The following SMCHD1 variants were observed in gnomAD, a reference collection of about 807,000 sequenced individuals.
The protein encoded by SMCHD1 is structural maintenance of chromosomes flexible hinge domain containing 1.
In SMCHD1, 78 loss-of-function variants were observed where a neutral mutation model predicts 254.7. The observed-to-expected ratio is 0.31, with a 90% CI of 0.26 to 0.37. SMCHD1 has a LOEUF of 0.37. SMCHD1 is among the 10% of genes least tolerant of loss of function. The pLI is 1.00. For missense variants in SMCHD1, 1,840 were observed against 2,408.1 expected (o/e 0.76, Z 4.94); for synonymous variants, 766 against 794.9 (o/e 0.96, Z 0.61).
At chr18:2,705,503 G>T (rs2074492860) in intron 13 of SMCHD1, among the ~76,000 whole-genome samples, 191 bp from the exon 14 acceptor site, 1 of 152,024 alleles carries the variant, frequency 6.6e-6, no homozygotes, top group African/African-American at 2.4e-5. Context: ...ACAACTATTT[G>T]TTAAGTACAG....
intron 24 of SMCHD1, 88 bp from the exon 25 acceptor site, chr18:2,732,177 T>G: frequency 1.1e-6 from 1 of 930,728 alleles, no homozygotes; most frequent in Non-Finnish European, 1.7e-6. Flanking sequence ...TATGAGATGG[T>G]CTTCCATAAT....
rs1277905569 is a variant in SMCHD1 at position 2,793,656 on chromosome 18, C to CAAAAAAAAAAAAAAAAAAA, written c.5720-2278_5720-2277insAAAAAAAAAAAAAAAAAAA. Among the ~76,000 whole-genome samples, 137 of 43,834 alleles carry CAAAAAAAAAAAAAAAAAAA rather than the reference C, an allele frequency of 3.1e-3. 3 individuals carry two copies. The highest frequency in any genetic ancestry group is 1.0e-2 in the East Asian group (13 of 1,302). The allele number at this position is 43,834 out of a possible 152,430, so 28.8% of individuals were successfully genotyped here. On this transcript the variant is annotated intron_variant, in intron 45 of 47. Coordinates refer to ENST00000320876, the MANE Select transcript of SMCHD1 (RefSeq NM_015295.3). ...CTCCAGCCTGGGCGAGACTCCGTCT[C>CAAAAAAAAAAAAAAAAAAA]AAAAAAAAAAAAAAAGAAAGAAAAC...
intron 17 of SMCHD1, among the ~76,000 whole-genome samples, chr18:2,717,279 A>G (rs2143356864): frequency 6.6e-6 from 1 of 152,198 alleles, no homozygotes; most frequent in East Asian, 1.9e-4. Context: ...CACACAGAGG[A>G]TTCACTCCCA....
chr18:2,760,888 T>C, intron 35 of SMCHD1, 149 bp downstream of exon 35: 1 of 533,398 alleles, frequency 1.9e-6, no homozygotes, highest in Non-Finnish European at 3.4e-6. Context: ...TTATTGGATG[T>C]GAAATATAAA....
At position 2,697,917 on chromosome 18, in the gene SMCHD1, A is replaced by G. The variant is rs963226015; in HGVS notation, c.1218A>G (p.Thr406=). 18 of 1,613,708 alleles carry G rather than the reference A, an allele frequency of 1.1e-5. No homozygotes were observed. The highest frequency in any genetic ancestry group is 6.7e-5 in the Admixed American group (4 of 60,030). ...ACATGCAGACGTTGTATGTAAACACAGCAGCTGATAGTTTTGAATTCAAAG... is the reference window on the plus strand; with the variant it reads ...ACATGCAGACGTTGTATGTAAACACGGCAGCTGATAGTTTTGAATTCAAAG... The part of the protein sequence containing the change: ...QDDMQTLYVN[T]AADSFEFKAH... The change falls in exon 10 of 48, where the codon ACA becomes ACG. Residue 406 remains threonine, a synonymous_variant. Transcript: ENST00000320876.
At chr18:2,712,231 C>CTT (rs35669047) in intron 17 of SMCHD1, among the ~76,000 whole-genome samples, 9,215 of 142,096 alleles carry the variant, frequency 0.065, 411 homozygotes, top group Admixed American at 0.15. Context: ...TTTCTTTTTC[C>CTT]TTTTTTTTTT....
chr18:2,700,312 G>A (rs2074373431), intron 10 of SMCHD1, among the ~76,000 whole-genome samples: 1 of 152,288 alleles, frequency 6.6e-6, no homozygotes, highest in East Asian at 1.9e-4. Context: ...AAAGATGACA[G>A]GCCCAGCAGC....
In SMCHD1 at chr18:2,718,113, G is replaced by T. The variant is rs984270289; in HGVS notation, c.2261-45G>T. 6.8e-7 allele frequency: 1 copy of T among 1,462,714 alleles called. No homozygotes were observed. Among genetic ancestry groups the T allele is most frequent in the Middle Eastern group, 2.0e-4 (1 of 5,002 alleles). The allele number at this position is 1,462,714 out of a possible 1,614,324, so 90.6% of individuals were successfully genotyped here. A position where few individuals can be genotyped will look rare whatever the true frequency, so the allele number is the denominator to read the frequency against. On this transcript the variant is annotated intron_variant, in intron 17 of 47. Transcript: ENST00000320876. This position sits in a 1 kb window ranked among gnomAD's most constrained non-coding sequence, Gnocchi z 4.6. ...TGACATTGCGTATTTCATGTTTTAC[G>T]TTGAATTTCTCAAGACACTATTGTT...
At chr18:2,723,187 T>G (rs1396096339) in intron 20 of SMCHD1, among the ~76,000 whole-genome samples, 1 of 152,248 alleles carries the variant, frequency 6.6e-6, no homozygotes, top group East Asian at 1.9e-4. Context: ...GTGAGTTCTT[T>G]CTGGTTCTCT....
chr18:2,754,751 CA>C lies in SMCHD1; in HGVS notation c.4346+2201del, dbSNP rs1568315679. ...AGATGTCTGCGAAGGGCCCATCTTGCAAGCAGACAAGTGCTTCTAAGGATAG... is the reference window on the plus strand; with the variant it reads ...AGATGTCTGCGAAGGGCCCATCTTGCAGCAGACAAGTGCTTCTAAGGATAG... On this transcript the variant is annotated intron_variant, in intron 34 of 47. Transcript: ENST00000320876. Among the ~76,000 whole-genome samples, 9 of 152,146 alleles carry C rather than the reference CA, an allele frequency of 5.9e-5. No homozygotes were observed. The East Asian group carries it at 1.7e-3, about 29-fold the overall frequency.
chr18:2,707,519 A>G (rs1346981751), intron 15 of SMCHD1, 44 bp from the exon 16 acceptor site: 1 of 1,183,354 alleles, frequency 8.5e-7, no homozygotes, highest in South Asian at 1.4e-5. Flanking sequence ...TAAGATCATA[A>G]TTAACAAAGT....
At chr18:2,782,957 C>G (rs2076181175) in intron 44 of SMCHD1, among the ~76,000 whole-genome samples, 1 of 152,008 alleles carries the variant, frequency 6.6e-6, no homozygotes, top group African/African-American at 2.4e-5. Flanking sequence ...TAAATACTGG[C>G]TTTACCAAAG....
chr18:2,715,118 G>C (rs562980848), intron 17 of SMCHD1, among the ~76,000 whole-genome samples: 1 of 152,112 alleles, frequency 6.6e-6, no homozygotes, highest in African/African-American at 2.4e-5. Flanking sequence ...GGCATTCTTT[G>C]AGCCTCTTAT....
intron 17 of SMCHD1, among the ~76,000 whole-genome samples, chr18:2,709,228 A>ATG (rs150894551): frequency 0.26 from 27,531 of 107,406 alleles, 2,772 homozygotes; most frequent in Admixed American, 0.31. Context: ...ATATGTGTAT[A>ATG]TGTGTATATA....
chr18:2,803,770 T>G lies in SMCHD1; in HGVS notation c.*1218T>G, dbSNP rs2076404203. On this transcript the variant is annotated 3_prime_UTR_variant, in exon 48 of 48. Transcript: ENST00000320876. ...AAAATGGTAATTACAGAATTAGCTG[T>G]GGGGAAGATTGGCTCCCATGGTACT... The G allele has an allele frequency of 6.6e-6, 1 of 152,212 alleles. No individual in the cohort carries two copies. Among genetic ancestry groups the G allele is most frequent in the African/African-American group, 2.4e-5 (1 of 41,466 alleles). 9.4% of individuals were successfully genotyped at this position (152,212 alleles called of 1,614,324 possible). A position where few individuals can be genotyped will look rare whatever the true frequency, so the allele number is the denominator to read the frequency against.
chr18:2,700,096 T>C (rs1340452624), intron 10 of SMCHD1, among the ~76,000 whole-genome samples: 1 of 152,260 alleles, frequency 6.6e-6, no homozygotes, highest in African/African-American at 2.4e-5. Context: ...CATCATTCAC[T>C]AATTTGTTCA....
At position 2,677,051 on chromosome 18, in the gene SMCHD1, TG is replaced by T. The variant is rs142727336; in HGVS notation, c.638+2907del. Among the ~76,000 whole-genome samples the T allele has an allele frequency of 2.2e-3, 342 of 152,332 alleles. 1 individual carries two copies. Among genetic ancestry groups the T allele is most frequent in the African/African-American group, 7.6e-3 (314 of 41,578 alleles). ...GTTTTTCATAATATTTCAATTTTTC[TG>T]TAGTGTTCAGGCTAGTTTTCTTGTA... On this transcript the variant is annotated intron_variant, in intron 5 of 47. Coordinates refer to ENST00000320876, the MANE Select transcript of SMCHD1 (RefSeq NM_015295.3).
intron 5 of SMCHD1, among the ~76,000 whole-genome samples, chr18:2,685,609 C>G (rs922732009): frequency 6.6e-6 from 1 of 152,184 alleles, no homozygotes; most frequent in Non-Finnish European, 1.5e-5. Flanking sequence ...CAGTAACTCC[C>G]TGTTGCTCCC....
rs376920153 is a variant in SMCHD1, at chr18:2,673,338, G to T, written c.482G>T (p.Gly161Val). ...TTGTCTGCTACTTCTCGTAACATTG[G>T]GGTTAGAAGAATACAGATCAAATTG... ...NSLSATSRNIGVRRIQIKLLF... is the reference protein window; with the variant it reads ...NSLSATSRNIVVRRIQIKLLF... Residue 161 changes from glycine (G) to valine (V), a missense_variant, in exon 4 of 48, where the codon GGG becomes GTG. Coordinates refer to ENST00000320876, the MANE Select transcript of SMCHD1 (RefSeq NM_015295.3). 40 of 1,574,680 alleles carry T rather than the reference G, an allele frequency of 2.5e-5. 1 individual carries two copies. The highest frequency in any genetic ancestry group is 3.4e-5 in the Non-Finnish European group (39 of 1,153,150).
Sources: allele counts gnomAD v4.1 joint callset (sites outside exome capture counted in the v4.1 genomes callset), GRCh38; gene constraint gnomAD v4.1.1; non-coding constraint Gnocchi (gnomAD v3.1); transcripts MANE v1.5; gene names NCBI Gene and HGNC (gene_info 2026-07-23, HGNC 2026-07-21).